The following DUSP5 variants were observed in gnomAD, a reference collection of about 807,000 sequenced individuals.
DUSP5 encodes the protein dual specificity protein phosphatase 5.
DUSP5 carries 22 observed loss-of-function variants against 33.6 expected under a neutral mutation model. The ratio of observed to expected loss-of-function variants is 0.66; its 90% CI spans 0.47 to 0.94. The LOEUF is 0.94. DUSP5 is among the 40% of genes least tolerant of loss of function. The pLI is 0.00. For missense variants in DUSP5, 551 were observed against 522.1 expected (o/e 1.06, Z -0.54); for synonymous variants, 270 against 231.1 (o/e 1.17, Z -1.53).
chr10:110,503,369 G>A (rs1180800189), intron 2 of DUSP5: 1 of 153,010 alleles, frequency 6.5e-6, no homozygotes, highest in Admixed American at 6.5e-5. Context: ...GTGCTACAGA[G>A]AAAGTCCTGT....
In DUSP5 at chr10:110,498,431, G is replaced by T; in HGVS notation, c.310G>T (p.Ala104Ser). Reference protein sequence around the residue: ...RHWQKLREESAARVVLTSLLA... With the variant: ...RHWQKLREESSARVVLTSLLA... Reference sequence around the variant, plus strand: ...CTGGCAGAAGCTGCGAGAGGAGAGCGCCGCGCGTGTCGTCCTCACCTCGCT... The same window carrying T: ...CTGGCAGAAGCTGCGAGAGGAGAGCTCCGCGCGTGTCGTCCTCACCTCGCT... Residue 104 changes from alanine to serine, a missense_variant, in exon 1 of 4, where the codon GCC (alanine) becomes TCC (serine). Ala to Ser is a moderately conservative substitution (Grantham distance 99). Around this residue, in one of 3 missense-constraint regions of DUSP5, gnomAD observed 381 missense variants for 310.4 expected, o/e 1.23. Transcript: ENST00000369583. 6.5e-7 allele frequency: 1 copy of T among 1,534,412 alleles called. No homozygotes were observed.
At position 110,498,358 on chromosome 10, in the gene DUSP5, C is replaced by T. The variant is rs1395071654; in HGVS notation, c.237C>T (p.Gly79=). The T allele has an allele frequency of 7.9e-6, 11 of 1,390,198 alleles. No homozygotes were observed. In the South Asian group the frequency reaches 9.5e-5, roughly 12 times the overall value. The allele number at this position is 1,390,198 out of a possible 1,614,324, so 86.1% of individuals were successfully genotyped here. A position where few individuals can be genotyped will look rare whatever the true frequency, so the allele number is the denominator to read the frequency against. ...EAARARLLQE[G]GGGVAAVVVL... is the part of the protein sequence containing the mutation. ...CGCGCGCGCGGCTCCTGCAGGAGGG[C>T]GGCGGCGGCGTCGCGGCCGTGGTGG... is the stretch of plus-strand genomic sequence containing the variant. Residue 79 remains glycine (G), a synonymous_variant, in exon 1 of 4, where the codon GGC becomes GGT. Coordinates refer to ENST00000369583, the MANE Select transcript of DUSP5 (RefSeq NM_004419.4).
intron 1 of DUSP5, 140 bp downstream of exon 1, chr10:110,498,640 T>A: frequency 8.0e-7 from 1 of 1,252,342 alleles, no homozygotes; most frequent in Non-Finnish European, 1.0e-6. Flanking sequence ...GTTGTGCGCT[T>A]GGGAGGGCAC....
intron 2 of DUSP5, among the ~76,000 whole-genome samples, chr10:110,504,526 G>A (rs1860095634): frequency 6.6e-6 from 1 of 152,192 alleles, no homozygotes; most frequent in South Asian, 2.1e-4. Context: ...CAACCATCCA[G>A]CCTGCTCCTT....
At chr10:110,509,937 A>T in intron 3 of DUSP5, 83 bp from the exon 4 acceptor site, 1 of 1,496,226 alleles carries the variant, frequency 6.7e-7, no homozygotes, top group African/African-American at 1.4e-5. Context: ...TATCTAGGTT[A>T]CTCCAGTGTT....
At chr10:110,506,276 T>C (rs946143934) in intron 2 of DUSP5, among the ~76,000 whole-genome samples, 5 of 152,006 alleles carry the variant, frequency 3.3e-5, no homozygotes, top group African/African-American at 7.3e-5. Flanking sequence ...CCAAAAAAAT[T>C]ATAAAATTAG....
At chr10:110,504,247 G>A (rs1023812213) in intron 2 of DUSP5, among the ~76,000 whole-genome samples, 3 of 152,242 alleles carry the variant, frequency 2.0e-5, no homozygotes, top group Non-Finnish European at 4.4e-5. Flanking sequence ...AGAAAGCCCT[G>A]ATGTGTCTTC....
chr10:110,508,784 GACTGTT>G (rs1860150775), intron 3 of DUSP5, among the ~76,000 whole-genome samples: 1 of 152,244 alleles, frequency 6.6e-6, no homozygotes, highest in East Asian at 1.9e-4. Flanking sequence ...AATTTAAAGA[GACTGTT>G]TTGTTGTTTC....
intron 2 of DUSP5, among the ~76,000 whole-genome samples, chr10:110,504,155 C>G (rs1295896516): frequency 6.6e-6 from 1 of 152,222 alleles, no homozygotes; most frequent in African/African-American, 2.4e-5. Context: ...TGTTTTCCCC[C>G]CATTTCTCAG....
At chr10:110,506,355 G>A (rs1353614421) in intron 2 of DUSP5, among the ~76,000 whole-genome samples, 7 of 152,138 alleles carry the variant, frequency 4.6e-5, no homozygotes, top group Non-Finnish European at 8.8e-5. Flanking sequence ...TCTCTTCAGC[G>A]TAGGAATTCA....
chr10:110,502,702 T>A lies in DUSP5; in HGVS notation c.380-19T>A, dbSNP rs1169752291. ...ATTGATGCTTACCATCTGTCTCACC[T>A]TTTTGTTTGTTTTTGTAGGGGGATA... On this transcript the variant is annotated intron_variant, in intron 1 of 3. Coordinates refer to ENST00000369583, the MANE Select transcript of DUSP5 (RefSeq NM_004419.4). 3 of 1,610,356 alleles carry A rather than the reference T, an allele frequency of 1.9e-6. No homozygotes were observed. Among genetic ancestry groups the A allele is most frequent in the Non-Finnish European group, 2.5e-6 (3 of 1,177,380 alleles).
At position 110,510,310 on chromosome 10, in the gene DUSP5, C is replaced by T. The variant is rs1310357657; in HGVS notation, c.1039C>T (p.Pro347Ser). 3 of 1,614,100 alleles carry T rather than the reference C, an allele frequency of 1.9e-6. No individual in the cohort carries two copies. The highest frequency in any genetic ancestry group is 2.7e-5 in the African/African-American group (2 of 74,942). Residue 347 changes from proline (P) to serine (S), a missense_variant, in exon 4 of 4, where the codon CCT (proline) becomes TCT (serine). Pro to Ser is a moderately conservative substitution (Grantham distance 74). Transcript: ENST00000369583. ...GATAGGCCATTTGCAGACACTGAGC[C>T]CTGACATGCAGGGTGCCTACTGCAC... ...SLIGHLQTLS[P>S]DMQGAYCTFP...
At chr10:110,504,354 A>G (rs1409087131) in intron 2 of DUSP5, among the ~76,000 whole-genome samples, 1 of 152,218 alleles carries the variant, frequency 6.6e-6, no homozygotes, top group African/African-American at 2.4e-5. Flanking sequence ...GGGTTTCTGA[A>G]GGCCTTTGGC....
chr10:110,498,480 C>T lies in DUSP5; in HGVS notation c.359C>T (p.Pro120Leu), dbSNP rs755882591. The T allele has an allele frequency of 3.9e-6, 6 of 1,543,002 alleles. No homozygotes were observed. Among genetic ancestry groups the T allele is most frequent in the Middle Eastern group, 1.9e-4 (1 of 5,166 alleles). The change falls in exon 1 of 4, where the codon CCG becomes CTG. Residue 120 changes from proline (P) to leucine (L), a missense_variant. Physicochemically the swap from Pro to Leu is moderately conservative, Grantham distance 98 (BLOSUM62 -3). Transcript: ENST00000369583. ...CTACTCGCTTGCCTACCCGCCGGCC[C>T]GCGGGTCTACTTCCTCAAAGGTGAG... ...TSLLACLPAG[P>L]RVYFLKGGYE...
rs188542449 is a variant in DUSP5 at position 110,500,961 on chromosome 10, C to G, written c.380-1760C>G. On this transcript the variant is annotated intron_variant, in intron 1 of 3. Coordinates refer to ENST00000369583, the MANE Select transcript of DUSP5 (RefSeq NM_004419.4). ...TTATCTGTCCTCCTGATAGCCAACT[C>G]TGAAGTAATATATTTAAAGCCAAAA... Among the ~76,000 whole-genome samples, 536 of 152,344 alleles carry G rather than the reference C, an allele frequency of 3.5e-3. 2 individuals are homozygous for G. The highest frequency in any genetic ancestry group is 6.8e-3 in the Middle Eastern group (2 of 294).
chr10:110,510,210 C>T lies in DUSP5; in HGVS notation c.939C>T (p.Tyr313=), dbSNP rs769193161. The change falls in exon 4 of 4, where the codon TAC becomes TAT. Residue 313 remains tyrosine (Y), a synonymous_variant. Transcript: ENST00000369583. ...GCTTCATGGGCCAGCTCCTGCAGTA[C>T]GAATCTGAGATCCTGCCCTCCACGC... The part of the protein sequence containing the change: ...NFGFMGQLLQ[Y]ESEILPSTPN... The T allele has an allele frequency of 4.3e-6, 7 of 1,614,244 alleles. No homozygotes were observed. Among genetic ancestry groups the T allele is most frequent in the South Asian group, 2.2e-5 (2 of 91,090 alleles).
Position 110,510,145 on chromosome 10 carries a change from T to G in DUSP5, c.874T>G (p.Tyr292Asp). The G allele has an allele frequency of 6.2e-7, 1 of 1,614,202 alleles. No homozygotes were observed. ...KQFRLKEAFD[Y>D]IKQRRSMVSP... ...GTTCCGCCTGAAGGAGGCCTTCGAT[T>G]ACATCAAGCAGAGGAGGAGCATGGT... Residue 292 changes from tyrosine (Y) to aspartate (D), a missense_variant, in exon 4 of 4, where the codon TAC (tyrosine) becomes GAC (aspartate). Coordinates refer to ENST00000369583, the MANE Select transcript of DUSP5 (RefSeq NM_004419.4).
chr10:110,504,814 G>A lies in DUSP5; in HGVS notation c.528+1945G>A, dbSNP rs190642274. Among the ~76,000 whole-genome samples the A allele has an allele frequency of 2.6e-3, 397 of 152,338 alleles. 4 individuals are homozygous for A. Among genetic ancestry groups the A allele is most frequent in the African/African-American group, 9.0e-3 (375 of 41,574 alleles). ...TCTATGACAGTGGCAGCTATGTGACGTGCCAGGTTTTAATGCATTCATTAT... is the reference window on the plus strand; with the variant it reads ...TCTATGACAGTGGCAGCTATGTGACATGCCAGGTTTTAATGCATTCATTAT... On this transcript the variant is annotated intron_variant, in intron 2 of 3. Coordinates refer to ENST00000369583, the MANE Select transcript of DUSP5 (RefSeq NM_004419.4).
intron 1 of DUSP5, among the ~76,000 whole-genome samples, chr10:110,500,262 G>C (rs1207385891): frequency 6.6e-6 from 1 of 152,138 alleles, no homozygotes; most frequent in Non-Finnish European, 1.5e-5. Flanking sequence ...CATTGAACCG[G>C]TCTCCTGTAA....
Sources: allele counts gnomAD v4.1 joint callset (sites outside exome capture counted in the v4.1 genomes callset), GRCh38; gene constraint gnomAD v4.1.1; regional missense constraint gnomAD v4.1.1; transcripts MANE v1.5; gene names NCBI Gene and HGNC (gene_info 2026-07-23, HGNC 2026-07-21).